CNBD2: variants seen among roughly 807,000 people sequenced by gnomAD.
The protein encoded by CNBD2 is cyclic nucleotide binding domain containing 2.
A neutral mutation model predicts 63.7 loss-of-function variants in CNBD2; 64 were observed. The observed-to-expected ratio is 1.00, with a 90% CI of 0.82 to 1.24. The LOEUF (loss-of-function observed/expected upper bound fraction) is 1.24. CNBD2 is among the 50% of genes most tolerant of loss of function. The pLI is 0.00. For synonymous variants in CNBD2, 229 were observed against 255.4 expected, an observed-to-expected ratio of 0.90 and a Z score of 0.99; for missense variants, 691 against 713.5, an observed-to-expected ratio of 0.97 and a Z score of 0.36.
chr20:35,974,400 T>G (rs1378416577), intron 2 of CNBD2: 17 of 153,884 alleles, frequency 1.1e-4, no homozygotes. Flanking sequence ...CGTGGCCTGA[T>G]GCATGGGGCA....
chr20:35,996,915 G>A (rs1187056415), intron 8 of CNBD2, among the ~76,000 whole-genome samples: 1 of 152,162 alleles, frequency 6.6e-6, no homozygotes, highest in Admixed American at 6.5e-5. Context: ...TTCTAACCCA[G>A]GCACAACTGG....
intron 10 of CNBD2, among the ~76,000 whole-genome samples, 184 bp downstream of exon 10, chr20:36,011,441 C>T (rs2057060066): frequency 6.6e-6 from 1 of 152,182 alleles, no homozygotes; most frequent in Non-Finnish European, 1.5e-5. Flanking sequence ...AATCCCAGCA[C>T]TATGAGAGGC....
At chr20:36,027,956 G>A (rs1275889617) in intron 11 of CNBD2, among the ~76,000 whole-genome samples, 1 of 152,130 alleles carries the variant, frequency 6.6e-6, no homozygotes, top group Non-Finnish European at 1.5e-5. Context: ...GTGAGCCACC[G>A]TGCCCAGCCC....
intron 10 of CNBD2, among the ~76,000 whole-genome samples, chr20:36,022,866 C>T (rs1013779836): frequency 3.4e-5 from 5 of 147,050 alleles, no homozygotes; most frequent in South Asian, 2.2e-4. Context: ...GTGATCCACC[C>T]GCCTGGGCCT....
rs755949511 is a variant in CNBD2 at position 35,995,044 on chromosome 20, T to A, written c.862T>A (p.Cys288Ser). 1 of 1,613,488 alleles carries A rather than the reference T, an allele frequency of 6.2e-7. No individual in the cohort carries two copies. The highest frequency in any genetic ancestry group is 2.2e-5 in the East Asian group (1 of 44,886). ...PFIMFISKGS[C>S]EVLRLLDLGA... ...TGTCCCTTGCTGTGTTCAGGGCAGC[T>A]GTGAAGTCCTGCGGCTGTTGGACCT... Residue 288 changes from cysteine (C) to serine (S), a missense_variant, in exon 8 of 12, where the codon TGT becomes AGT. Transcript: ENST00000373973.
chr20:36,000,869 G>A (rs1310297239), intron 8 of CNBD2, among the ~76,000 whole-genome samples: 1 of 151,396 alleles, frequency 6.6e-6, no homozygotes, highest in African/African-American at 2.4e-5. Flanking sequence ...AAGGTCTCTG[G>A]TTTTCCTAGG....
intron 2 of CNBD2, 99 bp downstream of exon 2, chr20:35,972,865 A>T (rs1287576410): frequency 1.6e-6 from 2 of 1,216,420 alleles, no homozygotes; most frequent in African/African-American, 3.0e-5. Context: ...AAGAAGACAA[A>T]AGGAAAAGCA....
rs142679304 is a variant in CNBD2 at position 36,027,263 on chromosome 20, A to C, written c.1440-3094A>C. ...TGGCAGCAGGTGTGGGAAGCGAGTGATTCCAATGGTAGAGAAAGGGGGTAT... is the reference window on the plus strand; with the variant it reads ...TGGCAGCAGGTGTGGGAAGCGAGTGCTTCCAATGGTAGAGAAAGGGGGTAT... On this transcript the variant is annotated intron_variant, in intron 11 of 11. Transcript: ENST00000373973. Among the ~76,000 whole-genome samples, 5 of 152,296 alleles carry C rather than the reference A, an allele frequency of 3.3e-5. No individual in the cohort carries two copies. The East Asian group carries it at 9.6e-4, about 29-fold the overall frequency.
chr20:35,971,357 C>G (rs1329106403), intron 1 of CNBD2, among the ~76,000 whole-genome samples: 1 of 152,162 alleles, frequency 6.6e-6, no homozygotes, highest in Admixed American at 6.6e-5. Flanking sequence ...CCAAATACCA[C>G]TATCATACTA....
At chr20:35,960,166 CCTTT>C (rs1199763613), downstream of CNBD2, among the ~76,000 whole-genome samples, 4 of 152,198 alleles carry the variant, frequency 2.6e-5, no homozygotes, top group Non-Finnish European at 5.9e-5. Flanking sequence ...CATATTGCCA[CCTTT>C]CTTTCTATAG....
intron 7 of CNBD2, among the ~76,000 whole-genome samples, chr20:35,988,710 G>A (rs2056702536): frequency 6.6e-6 from 1 of 152,138 alleles, no homozygotes; most frequent in African/African-American, 2.4e-5. Flanking sequence ...TCTCAGTATC[G>A]TAATTTTTAT....
intron 11 of CNBD2, among the ~76,000 whole-genome samples, chr20:36,027,136 G>A (rs1382597193): frequency 1.3e-5 from 2 of 152,238 alleles, no homozygotes; most frequent in Admixed American, 6.5e-5. Flanking sequence ...TCGTGAATAT[G>A]TGCCAAATAT....
At chr20:35,973,123 T>C (rs1234342839) in intron 2 of CNBD2, 2 of 397,896 alleles carry the variant, frequency 5.0e-6, no homozygotes, top group Admixed American at 8.3e-5. Context: ...TGCCTAGTTT[T>C]TCTCTTTCCA....
chr20:36,022,157 G>A (rs1261283129), intron 10 of CNBD2, among the ~76,000 whole-genome samples: 2 of 142,020 alleles, frequency 1.4e-5, no homozygotes, highest in African/African-American at 2.7e-5. Context: ...TACAGGCACC[G>A]GCCACCATCA....
chr20:36,026,268 C>T (rs1467673469), intron 11 of CNBD2, among the ~76,000 whole-genome samples: 1 of 152,120 alleles, frequency 6.6e-6, no homozygotes, highest in Non-Finnish European at 1.5e-5. Context: ...AACTCCTGAG[C>T]TCAAAGGATC....
chr20:35,962,940 T>G (rs1394953262), intron 2 of CNBD2, among the ~76,000 whole-genome samples: 1 of 152,206 alleles, frequency 6.6e-6, no homozygotes, highest in Admixed American at 6.5e-5. Flanking sequence ...GAAGAAACAT[T>G]GAGGTTGTTT....
chr20:36,005,672 C>T (rs540917778), intron 8 of CNBD2, among the ~76,000 whole-genome samples: 138 of 152,112 alleles, frequency 9.1e-4, no homozygotes, highest in Non-Finnish European at 1.6e-3. Flanking sequence ...TTTGAGGGGC[C>T]GGGCATGGTG....
chr20:35,970,202 G>C lies in CNBD2; in HGVS notation c.51+1389G>C, dbSNP rs1056210139. The stretch of plus-strand genomic sequence containing the variant: ...TATAGGTAATTTGAACTTTCCCTTT[G>C]AATTACCTTTGCTCATTTTGCTATT... On this transcript the variant is annotated intron_variant, in intron 1 of 11. Coordinates refer to ENST00000373973, the MANE Select transcript of CNBD2 (RefSeq NM_001365709.1). Among the ~76,000 whole-genome samples, 6 of 152,080 alleles carry C rather than the reference G, an allele frequency of 3.9e-5. No homozygotes were observed. The East Asian group carries it at 1.2e-3, about 29-fold the overall frequency.
chr20:35,992,532 GC>G (rs1034616088), intron 7 of CNBD2, among the ~76,000 whole-genome samples: 1 of 152,194 alleles, frequency 6.6e-6, no homozygotes, highest in African/African-American at 2.4e-5. Context: ...GGGGTGCTGA[GC>G]CTTCATTCTG....
Sources: gnomAD v4.1 joint callset for allele counts (sites outside exome capture counted in the v4.1 genomes callset) on GRCh38, gnomAD v4.1.1 for gene constraint, MANE v1.5 for transcripts, NCBI Gene and HGNC (gene_info 2026-07-23, HGNC 2026-07-21) for gene names.